The following EGLN1 variants were observed in gnomAD, a reference collection of about 807,000 sequenced individuals.
The protein encoded by EGLN1 is egl-9 family hypoxia inducible factor 1.
EGLN1 carries 17 observed loss-of-function variants against 38.3 expected under a neutral mutation model. That is an observed-to-expected ratio of 0.44 (90% confidence interval 0.30 to 0.67). The LOEUF (loss-of-function observed/expected upper bound fraction) is 0.67. EGLN1 is among the 30% of genes least tolerant of loss of function. EGLN1 has a pLI of 0.08. For synonymous variants in EGLN1, 283 were observed against 257.5 expected (o/e 1.10, Z -0.95); for missense variants, 477 against 603.3 (o/e 0.79, Z 2.19).
rs570041962 is a variant in EGLN1, at chr1:231,364,019, T to C, written c.*2392A>G. 5.9e-5 allele frequency: 9 copies of C among 152,346 alleles called. No homozygotes were observed. The highest frequency in any genetic ancestry group is 1.3e-4 in the Non-Finnish European group (9 of 68,030). The allele number at this position is 152,346 out of a possible 1,614,324, so 9.4% of individuals were successfully genotyped here. On this transcript the variant is annotated 3_prime_UTR_variant, in exon 5 of 5. Coordinates refer to ENST00000366641, the MANE Select transcript of EGLN1 (RefSeq NM_022051.3). ...AAACAGTTTTAAATTTTGTTTGAAA[T>C]AGAGTCCTGCTTGGTGACAAGTTAA... is the stretch of plus-strand genomic sequence containing the variant.
chr1:231,366,563 A>G, intron 4 of EGLN1, 88 bp from the exon 5 acceptor site: 9 of 1,347,324 alleles, frequency 6.7e-6, no homozygotes, highest in Non-Finnish European at 9.5e-6. Flanking sequence ...TCCTAAGAGT[A>G]TGGACAATAT....
intron 1 of EGLN1, among the ~76,000 whole-genome samples, chr1:231,419,908 A>C (rs1415185747): frequency 6.6e-6 from 1 of 152,210 alleles, no homozygotes; most frequent in Non-Finnish European, 1.5e-5. Flanking sequence ...TGTGTGTACA[A>C]ACATGCAACT....
chr1:231,394,610 C>T (rs1572036249), intron 1 of EGLN1, among the ~76,000 whole-genome samples: 1 of 150,498 alleles, frequency 6.6e-6, no homozygotes, highest in African/African-American at 2.5e-5. Context: ...AGGATGGTCT[C>T]GATTTCCTGA....
rs1656596764 is a variant in EGLN1, at chr1:231,421,452, T to G, written c.437A>C (p.Lys146Thr). 1.3e-6 allele frequency: 2 copies of G among 1,491,864 alleles called. No individual in the cohort carries two copies. The highest frequency in any genetic ancestry group is 5.0e-5 in the East Asian group (2 of 40,278). The allele number at this position is 1,491,864 out of a possible 1,614,324, so 92.4% of individuals were successfully genotyped here. A position where few individuals can be genotyped will look rare whatever the true frequency, so the allele number is the denominator to read the frequency against. Residue 146 changes from lysine (K) to threonine (T), a missense_variant, in exon 1 of 5, where the codon AAG (lysine) becomes ACG (threonine). Around this residue, in one of 4 missense-constraint regions of EGLN1, gnomAD observed 298 missense variants for 288.9 expected, o/e 1.03. Transcript: ENST00000366641. This position sits in a 1 kb window ranked among gnomAD's most constrained non-coding sequence, Gnocchi z 5.5. ...CGATGAGCGGGCCGGCGGCTCCTCC[T>G]TGCCGGGCTCGGCTTCGGCAGCCAC... ...SAVAAEAEPG[K>T]EEPPARSSLF...
At chr1:231,376,377 C>T (rs1035515777) in intron 1 of EGLN1, among the ~76,000 whole-genome samples, 2 of 152,130 alleles carry the variant, frequency 1.3e-5, no homozygotes, top group Non-Finnish European at 2.9e-5. Context: ...GTCATCAGAG[C>T]AATCGTCGTG....
chr1:231,386,695 T>C (rs892287700), intron 1 of EGLN1, among the ~76,000 whole-genome samples: 1 of 152,106 alleles, frequency 6.6e-6, no homozygotes, highest in Non-Finnish European at 1.5e-5. Context: ...CACTCAAATA[T>C]CTACTGAATA....
At chr1:231,394,860 G>A (rs1330185789) in intron 1 of EGLN1, among the ~76,000 whole-genome samples, 2 of 152,082 alleles carry the variant, frequency 1.3e-5, no homozygotes, top group Non-Finnish European at 2.9e-5. Flanking sequence ...TAGGATGCGG[G>A]AAAGTACACA....
intron 1 of EGLN1, among the ~76,000 whole-genome samples, chr1:231,391,440 G>A (rs1047881690): frequency 6.9e-6 from 1 of 144,894 alleles, no homozygotes; most frequent in African/African-American, 2.5e-5. Flanking sequence ...GGACAAAAAG[G>A]GGTCTCCTGA....
chr1:231,419,243 G>A (rs529663590), intron 1 of EGLN1, among the ~76,000 whole-genome samples: 11 of 152,272 alleles, frequency 7.2e-5, no homozygotes, highest in African/African-American at 2.6e-4. Flanking sequence ...TGAGGAAGGA[G>A]GTACCTATTT....
At chr1:231,394,679 A>G (rs889803757) in intron 1 of EGLN1, among the ~76,000 whole-genome samples, 1 of 151,360 alleles carries the variant, frequency 6.6e-6, no homozygotes, top group African/African-American at 2.4e-5. Flanking sequence ...ATAAGCCACC[A>G]CGCCTGGCCA....
chr1:231,387,926 T>C (rs972499141), intron 1 of EGLN1, among the ~76,000 whole-genome samples: 2 of 152,230 alleles, frequency 1.3e-5, no homozygotes, highest in Non-Finnish European at 2.9e-5. Flanking sequence ...TCCACAGTTT[T>C]CTGGTGGCCC....
intron 1 of EGLN1, among the ~76,000 whole-genome samples, chr1:231,400,346 C>G (rs911243480): frequency 1.6e-4 from 24 of 152,194 alleles, no homozygotes; most frequent in African/African-American, 5.3e-4. Context: ...AGCTATGAGT[C>G]TTCACCTCAG....
intron 1 of EGLN1, among the ~76,000 whole-genome samples, chr1:231,386,735 A>G (rs1688218917): frequency 6.6e-6 from 1 of 152,234 alleles, no homozygotes; most frequent in Admixed American, 6.5e-5. Context: ...TTGAGAGAAC[A>G]GAGATGATAG....
chr1:231,372,304 A>G (rs1687846926), intron 2 of EGLN1, among the ~76,000 whole-genome samples: 1 of 152,244 alleles, frequency 6.6e-6, no homozygotes, highest in South Asian at 2.1e-4. Flanking sequence ...CCTAGCATCC[A>G]GAACAACTGA....
intron 1 of EGLN1, among the ~76,000 whole-genome samples, chr1:231,408,852 C>T (rs1688857660): frequency 6.6e-6 from 1 of 152,024 alleles, no homozygotes; most frequent in African/African-American, 2.4e-5. Flanking sequence ...CTTCTCACCA[C>T]TTTCCAAACG....
chr1:231,369,951 A>G (rs914815700), intron 3 of EGLN1, among the ~76,000 whole-genome samples: 1 of 152,242 alleles, frequency 6.6e-6, no homozygotes, highest in African/African-American at 2.4e-5. Flanking sequence ...TTAAAAAAGC[A>G]TTTGAAATAA....
intron 1 of EGLN1, among the ~76,000 whole-genome samples, chr1:231,376,072 G>A (rs934772488): frequency 2.0e-5 from 3 of 152,074 alleles, no homozygotes; most frequent in African/African-American, 7.3e-5. Flanking sequence ...TATATGAAAG[G>A]CACTGGGGCT....
intron 1 of EGLN1, among the ~76,000 whole-genome samples, chr1:231,380,495 G>C (rs1311008158): frequency 2.0e-5 from 2 of 99,920 alleles, no homozygotes; most frequent in African/African-American, 5.5e-5. Flanking sequence ...ACATATAAGG[G>C]CATATAGTTT....
chr1:231,392,914 TTCTC>T, intron 1 of EGLN1, among the ~76,000 whole-genome samples: 1 of 152,310 alleles, frequency 6.6e-6, no homozygotes, highest in Admixed American at 6.5e-5. Context: ...TAGTCCTCAG[TTCTC>T]ACCCCTAGGT....
Sources: allele counts gnomAD v4.1 joint callset (sites outside exome capture counted in the v4.1 genomes callset), GRCh38; gene constraint gnomAD v4.1.1; regional missense constraint gnomAD v4.1.1; non-coding constraint Gnocchi (gnomAD v3.1); transcripts MANE v1.5; gene names NCBI Gene and HGNC (gene_info 2026-07-23, HGNC 2026-07-21).